FOXP3: variants seen among roughly 807,000 people sequenced by gnomAD.
FOXP3 encodes forkhead box protein P3.
A neutral mutation model predicts 31.2 loss-of-function variants in FOXP3; 5 were observed. The ratio of observed to expected loss-of-function variants is 0.16; its 90% confidence interval spans 0.08 to 0.34. FOXP3 has a LOEUF of 0.34. Among genes scored for constraint, FOXP3 ranks in the 10% least tolerant of loss-of-function variants. The probability of loss-of-function intolerance (pLI) is 1.00; values close to 1 mark genes in which losing one functional copy is unlikely to be tolerated. For synonymous variants in FOXP3, 141 were observed against 148.8 expected, an observed-to-expected ratio of 0.95 and a Z score of 0.38; for missense variants, 251 against 363.0, an observed-to-expected ratio of 0.69 and a Z score of 2.51.
intron 9 of FOXP3, among the ~76,000 whole-genome samples, chrX:49,253,446 C>G (rs188030567): frequency 8.8e-6 from 1 of 113,227 alleles, no homozygotes; most frequent in East Asian, 2.8e-4. Context: ...CCAAAGGATG[C>G]AAGAGGTTAA....
rs782649847 is a variant in FOXP3, at chrX:49,253,143, C to T, written c.1027G>A (p.Ala343Thr). ...FHNMRPPFTY[A>T]TLIRWAILEA... The stretch of plus-strand genomic sequence containing the variant: ...CTGCTTACCCAGCGGATGAGCGTGG[C>T]GTAGGTGAAAGGGGGTCGCATGTTG... Residue 343 changes from alanine (A) to threonine (T), a missense_variant, in exon 10 of 12, where the codon GCC becomes ACC. Ala to Thr is a moderately conservative substitution (Grantham distance 58). Coordinates refer to ENST00000376207, the MANE Select transcript of FOXP3 (RefSeq NM_014009.4). 8.3e-7 allele frequency: 1 copy of T among 1,209,301 alleles called. No individual in the cohort carries two copies. Among genetic ancestry groups the T allele is most frequent in the Non-Finnish European group, 1.1e-6 (1 of 894,325 alleles).
At chrX:49,263,993 G>A (rs373052067) in intron 1 of FOXP3, among the ~76,000 whole-genome samples, 3 of 111,967 alleles carry the variant, frequency 2.7e-5, no homozygotes, top group Non-Finnish European at 5.6e-5. Context: ...AAAGGTCCTC[G>A]GCGACATTAC....
chrX:49,258,208 C>T, intron 2 of FOXP3, 88 bp downstream of exon 2: 1 of 776,284 alleles, frequency 1.3e-6, no homozygotes, highest in Non-Finnish European at 1.9e-6. Flanking sequence ...CAGCCAGCCC[C>T]CCTCCCGCCC....
chrX:49,256,485 A>G (rs1395122192), intron 6 of FOXP3, among the ~76,000 whole-genome samples: 1 of 111,559 alleles, frequency 9.0e-6, no homozygotes, highest in Non-Finnish European at 1.9e-5. Context: ...CTTTGGCCTC[A>G]GTCTCCTTGT....
intron 4 of FOXP3, 58 bp from the exon 5 acceptor site, chrX:49,257,070 C>T: frequency 9.9e-7 from 1 of 1,009,061 alleles, no homozygotes; most frequent in South Asian, 2.1e-5. Context: ...GAGCTTGGCC[C>T]ACAAGGCCTC....
intron 1 of FOXP3, among the ~76,000 whole-genome samples, chrX:49,262,280 T>C (rs1272972049): frequency 8.9e-6 from 1 of 112,456 alleles, no homozygotes; most frequent in African/African-American, 3.2e-5. Context: ...TTGAATTGTA[T>C]TGCAAAGCAA....
chrX:49,253,895 G>A (rs781869510), intron 9 of FOXP3, 22 bp downstream of exon 9: 8 of 1,208,496 alleles, frequency 6.6e-6, no homozygotes, highest in Non-Finnish European at 8.9e-6. Context: ...GGGGCACCGT[G>A]TAGTGCAAGG....
Position 49,261,343 on chromosome X carries a change from G to A in FOXP3, c.-22-2816C>T, listed in dbSNP as rs782470977. On this transcript the variant is annotated intron_variant, in intron 1 of 11. Transcript: ENST00000376207. Reference sequence around the variant, plus strand: ...GGCCTCAGTCTCCCTGTCCACTCTGGAACAACGTTCCCAAATACATGGCCA... The same window carrying A: ...GGCCTCAGTCTCCCTGTCCACTCTGAAACAACGTTCCCAAATACATGGCCA... Among the ~76,000 whole-genome samples, 5 of 112,593 alleles carry A rather than the reference G, an allele frequency of 4.4e-5. No homozygotes were observed. The Admixed American group carries it at 4.7e-4, about 10-fold the overall frequency.
rs782458039 is a variant in FOXP3 at position 49,254,015 on chromosome X, G to C, written c.869C>G (p.Pro290Arg). ...CCIVAAGSQG[P>R]VVPAWSGPRE... is the part of the protein sequence containing the mutation. ...GGGGCCAGACCAGGCTGGGACGACA[G>C]GGCCTTGGCTGCCAGCAGCTACGAT... Residue 290 changes from proline (P) to arginine (R), a missense_variant, in exon 9 of 12, where the codon CCT (proline) becomes CGT (arginine). Coordinates refer to ENST00000376207, the MANE Select transcript of FOXP3 (RefSeq NM_014009.4). 1 of 1,207,571 alleles carries C rather than the reference G, an allele frequency of 8.3e-7. No individual in the cohort carries two copies. The highest frequency in any genetic ancestry group is 1.7e-5 in the African/African-American group (1 of 57,472).
rs781881326 is a variant in FOXP3 at position 49,253,925 on chromosome X, G to T, written c.959C>A (p.Thr320Lys). 27 of 1,209,268 alleles carry T rather than the reference G, an allele frequency of 2.2e-5. No individual in the cohort carries two copies. The Admixed American group carries it at 5.9e-4, about 26-fold the overall frequency. Reference protein sequence around the residue: ...RHLWGSHGNSTFPEFLHNMDY... With the variant: ...RHLWGSHGNSKFPEFLHNMDY... ...GCAAGGACCATTCTTACCTGGGAATGTGCTGTTTCCATGGCTACCCCACAG... is the reference window on the plus strand; with the variant it reads ...GCAAGGACCATTCTTACCTGGGAATTTGCTGTTTCCATGGCTACCCCACAG... The change falls in exon 9 of 12, where the codon ACA becomes AAA. Residue 320 changes from threonine (T) to lysine (K), a missense_variant. Coordinates refer to ENST00000376207, the MANE Select transcript of FOXP3 (RefSeq NM_014009.4).
At chrX:49,258,696 CA>C (rs1557116821) in intron 1 of FOXP3, among the ~76,000 whole-genome samples, 169 bp from the exon 2 acceptor site, 8 of 111,581 alleles carry the variant, frequency 7.2e-5, no homozygotes, top group Non-Finnish European at 1.5e-4. Context: ...CACACACACA[CA>C]CACACACACA....
Position 49,254,084 on chromosome X carries a change from G to A in FOXP3, c.817-17C>T. On this transcript the variant is annotated splice_polypyrimidine_tract_variant and intron_variant, in intron 8 of 11. Transcript: ENST00000376207. ...GGATGATGCCTGGGTGAGGGGGAGA[G>A]GCTGGTGACCCAGAGGCTTAAACTT... 2 of 1,205,552 alleles carry A rather than the reference G, an allele frequency of 1.7e-6. No individual in the cohort carries two copies. Among genetic ancestry groups the A allele is most frequent in the Non-Finnish European group, 2.2e-6 (2 of 893,098 alleles).
At chrX:49,255,312 A>T (rs2066062352) in intron 8 of FOXP3, 117 bp downstream of exon 8, 2 of 649,291 alleles carry the variant, frequency 3.1e-6, no homozygotes. Flanking sequence ...GGAGCTGGGG[A>T]CAGGGGCCCC....
chrX:49,255,676 A>G lies in FOXP3; in HGVS notation c.735+39T>C, dbSNP rs369048800. On this transcript the variant is annotated intron_variant, in intron 7 of 11. Coordinates refer to ENST00000376207, the MANE Select transcript of FOXP3 (RefSeq NM_014009.4). ...ACATGGTGGACAGAAGGTTTTGCGC[A>G]CTATCCCTATCCCTTACCCTCCACC... 2.3e-5 allele frequency: 27 copies of G among 1,172,905 alleles called. No individual in the cohort carries two copies. In the African/African-American group the frequency reaches 3.9e-4, roughly 17 times the overall value.
At chrX:49,259,286 T>C (rs2066096239) in intron 1 of FOXP3, 2 of 521,402 alleles carry the variant, frequency 3.8e-6, no homozygotes, top group African/African-American at 4.7e-5. Context: ...TAGATAGACA[T>C]GAAGAGTCTG....
intron 4 of FOXP3, 95 bp from the exon 5 acceptor site, chrX:49,257,107 G>T: frequency 1.3e-6 from 1 of 793,802 alleles, no homozygotes; most frequent in South Asian, 2.5e-5. Flanking sequence ...ACCCTCCTGA[G>T]CCTCGAAAAC....
intron 8 of FOXP3, among the ~76,000 whole-genome samples, chrX:49,254,351 C>T (rs1028368638): frequency 1.3e-4 from 14 of 111,545 alleles, no homozygotes; most frequent in African/African-American, 4.2e-4. Context: ...AGGCTGGTCT[C>T]GAACTCCTGA....
rs1557116761 is a variant in FOXP3 at position 49,258,485 on chromosome X, G to C, written c.21C>G (p.Gly7=). 8.5e-7 allele frequency: 1 copy of C among 1,179,055 alleles called. No homozygotes were observed. Among genetic ancestry groups the C allele is most frequent in the Admixed American group, 2.4e-5 (1 of 41,599 alleles). Residue 7 remains glycine, a synonymous_variant, in exon 2 of 12, where the codon GGC becomes GGG. Transcript: ENST00000376207. The part of the protein sequence containing the change: MPNPRP[G]KPSAPSLALG... ...GGGCCAAGGAAGGGGCCGAGGGCTT[G>C]CCAGGCCTGGGGTTGGGCATCGGGT...
rs11465466 is a variant in FOXP3, at chrX:49,262,186, G to C, written c.-23+2475C>G. Among the ~76,000 whole-genome samples the C allele has an allele frequency of 4.2e-3, 473 of 112,586 alleles. 2 individuals are homozygous for C. Among genetic ancestry groups the C allele is most frequent in the Non-Finnish European group, 6.1e-3 (325 of 53,269 alleles). On this transcript the variant is annotated intron_variant, in intron 1 of 11. Transcript: ENST00000376207. ...ATTGCCTCAAATAAGAACATTTGCT[G>C]GTCTCTGGCTGGTTCAACTGATGCT...
Sources: allele counts gnomAD v4.1 joint callset (sites outside exome capture counted in the v4.1 genomes callset), GRCh38; gene constraint gnomAD v4.1.1; transcripts MANE v1.5; gene names NCBI Gene and HGNC (gene_info 2026-07-23, HGNC 2026-07-21).